Variants in QRSL1 observed in about 807,000 individuals in gnomAD.
The protein encoded by QRSL1 is glutaminyl-tRNA amidotransferase subunit QRSL1.
Under a neutral mutation model 61.6 loss-of-function variants are expected in QRSL1, and 54 were observed. That is an observed-to-expected ratio of 0.88 (90% CI 0.70 to 1.10). The LOEUF is 1.10. Ranked by LOEUF, QRSL1 falls within the 50% of genes least tolerant of loss-of-function variation. The pLI, the probability that QRSL1 is intolerant of heterozygous loss-of-function variation, is 0.00. For missense variants in QRSL1, 505 were observed against 622.6 expected (o/e 0.81, Z 2.01); for synonymous variants, 228 against 225.7 (o/e 1.01, Z -0.09).
At position 106,629,677 on chromosome 6, in the gene QRSL1, G is replaced by A. The variant is rs1270842533; in HGVS notation, c.-5G>A. 1 of 1,605,450 alleles carries A rather than the reference G, an allele frequency of 6.2e-7. No homozygotes were observed. Among genetic ancestry groups the A allele is most frequent in the South Asian group, 1.1e-5 (1 of 88,998 alleles). ...TCCTGTGGTGGCAGGCTGGGCACGA[G>A]GACCATGCTGGGCCGGAGCCTCCGA... On this transcript the variant is annotated 5_prime_UTR_variant, in exon 1 of 11. Transcript: ENST00000369046.
intron 4 of QRSL1, among the ~76,000 whole-genome samples, chr6:106,643,876 C>CTT (rs796253115): frequency 2.1e-5 from 3 of 142,564 alleles, no homozygotes; most frequent in African/African-American, 7.7e-5. Context: ...TCTTTTCATT[C>CTT]TTTTTTTTTT....
At chr6:106,655,165 T>A (rs897111237) in intron 8 of QRSL1, among the ~76,000 whole-genome samples, 4 of 152,222 alleles carry the variant, frequency 2.6e-5, no homozygotes, top group Non-Finnish European at 5.9e-5. Context: ...CTTGTTGTCA[T>A]ATGCTCAGTC....
rs1052347130 is a variant in QRSL1, at chr6:106,630,638, C to G, written c.24+933C>G. Among the ~76,000 whole-genome samples the G allele has an allele frequency of 3.3e-5, 5 of 152,310 alleles. No individual in the cohort carries two copies. The East Asian group carries it at 9.6e-4, about 29-fold the overall frequency. The stretch of plus-strand genomic sequence containing the variant: ...GTTGAAACTAAAACTATGCCCCACT[C>G]TAGACTTAATTAGAGCTGTGTGGTA... On this transcript the variant is annotated intron_variant, in intron 1 of 10. Coordinates refer to ENST00000369046, the MANE Select transcript of QRSL1 (RefSeq NM_018292.5).
intron 9 of QRSL1, among the ~76,000 whole-genome samples, chr6:106,658,953 A>C (rs570944178): frequency 6.9e-6 from 1 of 145,270 alleles, no homozygotes; most frequent in African/African-American, 2.6e-5. Flanking sequence ...CAGACACTAC[A>C]TTCTTTTTTT....
intron 4 of QRSL1, among the ~76,000 whole-genome samples, chr6:106,648,702 T>C (rs1582414142): frequency 6.6e-6 from 1 of 152,210 alleles, no homozygotes; most frequent in Non-Finnish European, 1.5e-5. Flanking sequence ...CTTAACTGTT[T>C]GAATGTAACC....
intron 1 of QRSL1, among the ~76,000 whole-genome samples, chr6:106,636,539 C>T (rs918071615): frequency 6.6e-6 from 1 of 151,942 alleles, no homozygotes; most frequent in Non-Finnish European, 1.5e-5. Flanking sequence ...CAGGATGGTC[C>T]TGATCTCTTG....
intron 4 of QRSL1, among the ~76,000 whole-genome samples, chr6:106,643,680 CAA>C (rs112408577): frequency 2.7e-4 from 30 of 112,550 alleles, no homozygotes; most frequent in Admixed American, 3.7e-4. Flanking sequence ...AACTCTGTCT[CAA>C]AAAAAAAAAA....
At chr6:106,641,650 G>T (rs530932611) in intron 3 of QRSL1, among the ~76,000 whole-genome samples, 10 of 152,256 alleles carry the variant, frequency 6.6e-5, no homozygotes, top group African/African-American at 2.2e-4. Context: ...CTAATATGCA[G>T]ACTGTTGTTA....
intron 5 of QRSL1, among the ~76,000 whole-genome samples, chr6:106,650,808 C>T (rs903641630): frequency 7.9e-5 from 12 of 152,138 alleles, no homozygotes; most frequent in African/African-American, 2.9e-4. Context: ...GAACTGGTAA[C>T]GGTTATTGTG....
chr6:106,662,940 C>A, intron 9 of QRSL1, 40 bp from the exon 10 acceptor site: 1 of 1,483,434 alleles, frequency 6.7e-7, no homozygotes. Flanking sequence ...AAGAAAAATA[C>A]AAAAAATCCT....
At chr6:106,657,707 T>A (rs1777293404) in intron 9 of QRSL1, among the ~76,000 whole-genome samples, 1 of 150,972 alleles carries the variant, frequency 6.6e-6, no homozygotes, top group South Asian at 2.1e-4. Flanking sequence ...CCAGGAAGAG[T>A]TTATTTATTT....
chr6:106,632,222 T>G (rs983091168), intron 1 of QRSL1, among the ~76,000 whole-genome samples: 31 of 152,240 alleles, frequency 2.0e-4, no homozygotes, highest in African/African-American at 6.8e-4. Flanking sequence ...TGGTAGATAC[T>G]TAGCTTGCTT....
intron 1 of QRSL1, among the ~76,000 whole-genome samples, chr6:106,633,948 T>TAAAA (rs68193824): frequency 6.9e-6 from 1 of 145,124 alleles, no homozygotes; most frequent in Non-Finnish European, 1.5e-5. Context: ...TTAAACACTT[T>TAAAA]AAAAAAAAAA....
At chr6:106,644,093 A>G (rs1207523964) in intron 4 of QRSL1, among the ~76,000 whole-genome samples, 2 of 151,978 alleles carry the variant, frequency 1.3e-5, no homozygotes, top group African/African-American at 4.8e-5. Flanking sequence ...GGTGCTCTTG[A>G]ACTCCTGACC....
intron 4 of QRSL1, among the ~76,000 whole-genome samples, chr6:106,643,319 C>A (rs1777051611): frequency 6.6e-6 from 1 of 152,120 alleles, no homozygotes; most frequent in Non-Finnish European, 1.5e-5. Flanking sequence ...TTTTGCCATC[C>A]CTATGTCTTC....
intron 9 of QRSL1, among the ~76,000 whole-genome samples, chr6:106,659,906 G>T (rs2114716845): frequency 6.6e-6 from 1 of 152,246 alleles, no homozygotes; most frequent in Admixed American, 6.5e-5. Context: ...CTGCTCTTTG[G>T]GGATTGTTTC....
At chr6:106,658,951 A>G (rs77043652) in intron 9 of QRSL1, among the ~76,000 whole-genome samples, 5,941 of 146,590 alleles carry the variant, frequency 0.041, 150 homozygotes, top group South Asian at 0.1. Context: ...CACAGACACT[A>G]CATTCTTTTT....
chr6:106,663,680 C>G (rs1009274261), intron 10 of QRSL1, among the ~76,000 whole-genome samples: 2 of 152,126 alleles, frequency 1.3e-5, no homozygotes, highest in African/African-American at 2.4e-5. Flanking sequence ...TCCACTAGGC[C>G]CCACCTTCAA....
rs1027149490 is a variant in QRSL1, at chr6:106,654,865, G to C, written c.985G>C (p.Val329Leu). Residue 329 changes from valine (V) to leucine (L), a missense_variant, in exon 8 of 11, where the codon GTA becomes CTA. Val to Leu is a conservative substitution (Grantham distance 32). Coordinates refer to ENST00000369046, the MANE Select transcript of QRSL1 (RefSeq NM_018292.5). Reference sequence around the variant, plus strand: ...CAGTTATTCAATTGTCTGCTACCATGTATTGTGCACATCAGAAGTGGCATC... The same window carrying C: ...CAGTTATTCAATTGTCTGCTACCATCTATTGTGCACATCAGAAGTGGCATC... ...HTSYSIVCYH[V>L]LCTSEVASNM... is the part of the protein sequence containing the mutation. The C allele has an allele frequency of 1.9e-6, 3 of 1,613,696 alleles. No homozygotes were observed. In the African/African-American group the frequency reaches 4.0e-5, roughly 22 times the overall value.
Sources: gnomAD v4.1 joint callset for allele counts (sites outside exome capture counted in the v4.1 genomes callset) on GRCh38, gnomAD v4.1.1 for gene constraint, MANE v1.5 for transcripts, NCBI Gene and HGNC (gene_info 2026-07-23, HGNC 2026-07-21) for gene names.